KLF13: variants seen among roughly 807,000 people sequenced by gnomAD.
The protein encoded by KLF13 is KLF transcription factor 13.
KLF13 carries 8 observed loss-of-function variants against 16.7 expected under a neutral mutation model. The ratio of observed to expected loss-of-function variants is 0.48; its 90% confidence interval spans 0.28 to 0.87. The LOEUF (loss-of-function observed/expected upper bound fraction) is 0.87, where lower values mean the gene tolerates loss of function less well. Among genes scored for constraint, KLF13 ranks in the 40% least tolerant of loss-of-function variants. The pLI is 0.10. For missense variants in KLF13, 447 were observed against 452.2 expected, an observed-to-expected ratio of 0.99 and a Z score of 0.10; for synonymous variants, 245 against 208.4, an observed-to-expected ratio of 1.18 and a Z score of -1.51.
intron 1 of KLF13, among the ~76,000 whole-genome samples, chr15:31,414,844 C>T (rs1346076726): frequency 2.0e-5 from 3 of 152,196 alleles, no homozygotes; most frequent in Non-Finnish European, 4.4e-5. Flanking sequence ...AAACCAACTA[C>T]ACCTAACAGA....
upstream of KLF13, among the ~76,000 whole-genome samples, chr15:31,392,468 C>T (rs138620631): frequency 6.6e-6 from 1 of 152,166 alleles, no homozygotes; most frequent in Admixed American, 6.5e-5. Flanking sequence ...GCTCTCCCAG[C>T]TCTCACCCGC....
At chr15:31,433,855 C>T (rs1238270272) in intron 1 of KLF13, among the ~76,000 whole-genome samples, 1 of 152,240 alleles carries the variant, frequency 6.6e-6, no homozygotes, top group African/African-American at 2.4e-5. Context: ...AGCTGCCCCA[C>T]AGCCGCTCTT....
chr15:31,400,648 G>T (rs1014715826), intron 2 of KLF13, among the ~76,000 whole-genome samples: 2 of 151,960 alleles, frequency 1.3e-5, no homozygotes, highest in African/African-American at 4.8e-5. Context: ...TAGCAGAGGG[G>T]TGGCAGGCCC....
chr15:31,423,090 C>CGT (rs1409953389), intron 1 of KLF13, among the ~76,000 whole-genome samples: 1 of 135,002 alleles, frequency 7.4e-6, no homozygotes, highest in Non-Finnish European at 1.6e-5. Flanking sequence ...CATATATATA[C>CGT]GTATATATAC....
At chr15:31,335,238 T>A (rs890854816) in intron 1 of KLF13, among the ~76,000 whole-genome samples, 16 of 152,254 alleles carry the variant, frequency 1.1e-4, no homozygotes, top group African/African-American at 3.6e-4. Context: ...CAGCTGTTTG[T>A]GAGGCAGGCT....
chr15:31,392,247 G>A (rs1294686136), upstream of KLF13, among the ~76,000 whole-genome samples: 3 of 152,236 alleles, frequency 2.0e-5, no homozygotes, highest in Admixed American at 6.5e-5. Context: ...AGAACGATAA[G>A]GATTGTCACT....
At chr15:31,391,656 C>T (rs1466716314), upstream of KLF13, among the ~76,000 whole-genome samples, 1 of 147,192 alleles carries the variant, frequency 6.8e-6, no homozygotes, top group Non-Finnish European at 1.5e-5. Context: ...TGCCGTGGGC[C>T]GGTCCGAAAC....
At chr15:31,379,328 C>T (rs1015094904), downstream of KLF13, among the ~76,000 whole-genome samples, 1 of 152,176 alleles carries the variant, frequency 6.6e-6, no homozygotes, top group Non-Finnish European at 1.5e-5. Flanking sequence ...GCCACTGCTC[C>T]GCCTTCTCAG....
chr15:31,367,236 G>T (rs2039489047), intron 1 of KLF13, among the ~76,000 whole-genome samples: 1 of 152,202 alleles, frequency 6.6e-6, no homozygotes, highest in African/African-American at 2.4e-5. Flanking sequence ...CTCCTTGCTA[G>T]CCTGAGCCAT....
intron 2 of KLF13, among the ~76,000 whole-genome samples, chr15:31,402,949 G>A (rs1044057045): frequency 7.2e-5 from 11 of 152,130 alleles, no homozygotes; most frequent in Non-Finnish European, 1.5e-4. Flanking sequence ...AAGCAGCCTC[G>A]CTATCCCTTG....
chr15:31,422,145 AAAAG>A (rs2040335525), intron 1 of KLF13, among the ~76,000 whole-genome samples: 1 of 151,530 alleles, frequency 6.6e-6, no homozygotes. Flanking sequence ...AAAAAAAAAA[AAAAG>A]AAAAAAGAAA....
intron 1 of KLF13, among the ~76,000 whole-genome samples, chr15:31,363,921 G>A (rs551558744): frequency 6.6e-6 from 1 of 152,304 alleles, no homozygotes; most frequent in South Asian, 2.1e-4. Context: ...TCCTGGTGTA[G>A]GGTGGGAAGT....
At position 31,372,242 on chromosome 15, in the gene KLF13, C is replaced by T. The variant is rs768773416; in HGVS notation, c.810C>T (p.Ser270=). Residue 270 remains serine (S), a synonymous_variant, in exon 2 of 2, where the codon AGC becomes AGT. Coordinates refer to ENST00000307145, the MANE Select transcript of KLF13 (RefSeq NM_015995.4). ...GGGGCTCGCGGACCGGCTCCCTCAG[C>T]GACTACAGCCGCTCCGACGCCAGCA... is the stretch of plus-strand genomic sequence containing the variant. The part of the protein sequence containing the change: ...RGGGSRTGSL[S]DYSRSDASSP... 4.4e-6 allele frequency: 7 copies of T among 1,578,094 alleles called. No homozygotes were observed. Among genetic ancestry groups the T allele is most frequent in the African/African-American group, 1.3e-5 (1 of 74,388 alleles).
chr15:31,433,909 T>G (rs11634484), intron 1 of KLF13, among the ~76,000 whole-genome samples: 93,415 of 152,134 alleles, frequency 0.61, 28,908 homozygotes, highest in South Asian at 0.71. Flanking sequence ...CAGGGTCTTA[T>G]CTGCCCTCGC....
At chr15:31,349,138 AG>A (rs1277772628) in intron 1 of KLF13, among the ~76,000 whole-genome samples, 1 of 152,160 alleles carries the variant, frequency 6.6e-6, no homozygotes, top group Non-Finnish European at 1.5e-5. Context: ...ATGGCGAGGT[AG>A]GGTGGGGTAC....
At chr15:31,410,181 T>G (rs928159152) in intron 1 of KLF13, among the ~76,000 whole-genome samples, 2 of 151,966 alleles carry the variant, frequency 1.3e-5, no homozygotes, top group African/African-American at 4.8e-5. Context: ...GGAGGTAGAC[T>G]CTGATTAATA....
Position 31,372,462 on chromosome 15 carries a change from C to G in KLF13, c.*163C>G, listed in dbSNP as rs556982223. 360 of 787,158 alleles carry G rather than the reference C, an allele frequency of 4.6e-4. No individual in the cohort carries two copies. The African/African-American group carries it at 6.1e-3, about 13-fold the overall frequency. 48.8% of individuals were successfully genotyped at this position (787,158 alleles called of 1,614,324 possible). On this transcript the variant is annotated 3_prime_UTR_variant, in exon 2 of 2. Transcript: ENST00000307145. ...ATTTGTTAAAAAAACAAAAAAAACACAAAAATTTCAAAAAACACCACCCAC... is the reference window on the plus strand; with the variant it reads ...ATTTGTTAAAAAAACAAAAAAAACAGAAAAATTTCAAAAAACACCACCCAC...
chr15:31,341,406 C>T (rs146995944), intron 1 of KLF13, among the ~76,000 whole-genome samples: 13 of 152,052 alleles, frequency 8.5e-5, no homozygotes, highest in Admixed American at 3.3e-4. Context: ...AGCAAAATTT[C>T]ACCCCCTGCA....
At chr15:31,379,244 C>T (rs902563815), downstream of KLF13, among the ~76,000 whole-genome samples, 1 of 152,150 alleles carries the variant, frequency 6.6e-6, no homozygotes, top group African/African-American at 2.4e-5. Flanking sequence ...AACAAGCACA[C>T]ATTTTTCAAA....
Sources: allele counts gnomAD v4.1 joint callset (sites outside exome capture counted in the v4.1 genomes callset), GRCh38; gene constraint gnomAD v4.1.1; transcripts MANE v1.5; gene names NCBI Gene and HGNC (gene_info 2026-07-23, HGNC 2026-07-21).